CSNK1A1: variants seen among roughly 807,000 people sequenced by gnomAD.
The protein encoded by CSNK1A1 is casein kinase 1 alpha 1.
CSNK1A1 carries 7 observed loss-of-function variants against 46.1 expected under a neutral mutation model. The ratio of observed to expected loss-of-function variants is 0.15; its 90% confidence interval spans 0.09 to 0.29. The LOEUF (loss-of-function observed/expected upper bound fraction) is 0.29. Among genes scored for constraint, CSNK1A1 ranks in the 10% least tolerant of loss-of-function variants. CSNK1A1 has a pLI of 1.00. For synonymous variants in CSNK1A1, 137 were observed against 141.5 expected (o/e 0.97, Z 0.23); for missense variants, 96 against 417.1 (o/e 0.23, Z 6.71).
chr5:149,497,403 C>G, intron 9 of CSNK1A1: 1 of 985,694 alleles, frequency 1.0e-6, no homozygotes, highest in Non-Finnish European at 1.2e-6. Flanking sequence ...ACTTCTTTAC[C>G]GGCCGCATTA....
rs191962232 is a variant in CSNK1A1, at chr5:149,515,437, C to T, written c.457-2228G>A. On this transcript the variant is annotated intron_variant, in intron 4 of 9. Transcript: ENST00000377843. Reference sequence around the variant, plus strand: ...CTCCCACAACGCTAAAGGAGGAAACCTTATTTATCAAGTAAACTACAAATA... The same window carrying T: ...CTCCCACAACGCTAAAGGAGGAAACTTTATTTATCAAGTAAACTACAAATA... Among the ~76,000 whole-genome samples, 207 of 152,284 alleles carry T rather than the reference C, an allele frequency of 1.4e-3. 2 individuals are homozygous for T. Among genetic ancestry groups the T allele is most frequent in the African/African-American group, 4.7e-3 (197 of 41,566 alleles).
chr5:149,549,951 C>A, intron 2 of CSNK1A1, 124 bp downstream of exon 2: 1 of 1,143,264 alleles, frequency 8.7e-7, no homozygotes, highest in South Asian at 1.6e-5. Flanking sequence ...AAACCACCAG[C>A]TATAGGGAAC....
intron 2 of CSNK1A1, chr5:149,545,633 T>A: frequency 1.1e-6 from 1 of 893,930 alleles, no homozygotes; most frequent in Non-Finnish European, 1.8e-6. Flanking sequence ...AGGGCCCTGC[T>A]AGCCTCAGCA....
intron 2 of CSNK1A1, among the ~76,000 whole-genome samples, chr5:149,542,749 G>GC (rs1161437765): frequency 1.5e-5 from 2 of 129,126 alleles, no homozygotes; most frequent in Non-Finnish European, 3.2e-5. Flanking sequence ...AGGCTGGAGT[G>GC]CAGTGGCATG....
chr5:149,503,677 G>A, intron 9 of CSNK1A1: 6 of 985,376 alleles, frequency 6.1e-6, no homozygotes, highest in Non-Finnish European at 7.2e-6. Flanking sequence ...AACTAACTCA[G>A]TGGATCCAAC....
intron 2 of CSNK1A1, among the ~76,000 whole-genome samples, chr5:149,541,492 A>G (rs371457997): frequency 5.3e-5 from 8 of 152,206 alleles, no homozygotes; most frequent in African/African-American, 1.9e-4. Context: ...TCTGAGATTG[A>G]AATTAGAAAC....
chr5:149,515,954 T>G (rs1403341888), intron 4 of CSNK1A1, among the ~76,000 whole-genome samples: 3 of 152,256 alleles, frequency 2.0e-5, no homozygotes, highest in Non-Finnish European at 2.9e-5. Flanking sequence ...CTACATGTTA[T>G]GAGTAAAATC....
intron 2 of CSNK1A1, among the ~76,000 whole-genome samples, chr5:149,537,970 T>C (rs909030584): frequency 1.3e-5 from 2 of 149,510 alleles, no homozygotes; most frequent in Non-Finnish European, 3.0e-5. Context: ...TCAAAAAGAA[T>C]GCAAGCCTCA....
intron 2 of CSNK1A1, among the ~76,000 whole-genome samples, chr5:149,548,060 G>T (rs1046250103): frequency 6.6e-6 from 1 of 151,862 alleles, no homozygotes; most frequent in African/African-American, 2.4e-5. Flanking sequence ...TAGTAGAGAC[G>T]AGGTTTCACC....
At chr5:149,507,513 T>A (rs1580823625) in intron 7 of CSNK1A1, among the ~76,000 whole-genome samples, 1 of 151,734 alleles carries the variant, frequency 6.6e-6, no homozygotes, top group Non-Finnish European at 1.5e-5. Context: ...CAGGCTGGAG[T>A]GCAGTAGTGT....
At chr5:149,503,313 T>G (rs954334962) in intron 9 of CSNK1A1, 38 of 985,310 alleles carry the variant, frequency 3.9e-5, no homozygotes, top group Non-Finnish European at 4.5e-5. Context: ...TTATGAGAGT[T>G]TCATGTAAGA....
chr5:149,509,793 G>T, intron 7 of CSNK1A1, 86 bp downstream of exon 7: 2 of 932,766 alleles, frequency 2.1e-6, no homozygotes, highest in Admixed American at 2.3e-5. Flanking sequence ...CTACTGCCTT[G>T]GCCTCCCAAA....
intron 2 of CSNK1A1, among the ~76,000 whole-genome samples, chr5:149,546,810 C>T (rs1193104795): frequency 1.3e-5 from 2 of 152,140 alleles, no homozygotes; most frequent in African/African-American, 4.8e-5. Context: ...AAATAGTCAA[C>T]TTAATTCAAT....
At chr5:149,501,547 T>C in intron 9 of CSNK1A1, 1 of 985,160 alleles carries the variant, frequency 1.0e-6, no homozygotes, top group Non-Finnish European at 1.2e-6. Flanking sequence ...GATAGAAAAA[T>C]AATATTTGTA....
intron 4 of CSNK1A1, among the ~76,000 whole-genome samples, chr5:149,513,466 C>T (rs949741267): frequency 6.6e-6 from 1 of 151,916 alleles, no homozygotes; most frequent in African/African-American, 2.4e-5. Context: ...CATTTCATTA[C>T]ATACTCAGGA....
chr5:149,535,829 A>G (rs1180591237), intron 2 of CSNK1A1, among the ~76,000 whole-genome samples: 1 of 151,486 alleles, frequency 6.6e-6, no homozygotes, highest in African/African-American at 2.4e-5. Context: ...TGTTTTGAGT[A>G]GAGACAGGGT....
In CSNK1A1 at chr5:149,525,381, A is replaced by T. The variant is rs898955365; in HGVS notation, c.231-210T>A. 1.3e-5 allele frequency among the ~76,000 whole-genome samples: 2 copies of T among 152,048 alleles called. No individual in the cohort carries two copies. Among genetic ancestry groups the T allele is most frequent in the African/African-American group, 2.4e-5 (1 of 41,396 alleles). Reference sequence around the variant, plus strand: ...TTTTTTTTCCCTGTCATGCAACTCCATTCTCCTATATAGATAGGACATGCA... The same window carrying T: ...TTTTTTTTCCCTGTCATGCAACTCCTTTCTCCTATATAGATAGGACATGCA... On this transcript the variant is annotated intron_variant, in intron 2 of 9. Coordinates refer to ENST00000377843, the MANE Select transcript of CSNK1A1 (RefSeq NM_001892.6). The surrounding 1 kb of genome is among the most constrained non-coding windows in gnomAD (Gnocchi z 4.2).
chr5:149,526,370 T>C (rs553735147), intron 2 of CSNK1A1, among the ~76,000 whole-genome samples: 62 of 152,296 alleles, frequency 4.1e-4, no homozygotes, highest in Non-Finnish European at 7.6e-4. Flanking sequence ...TCTCCCTACG[T>C]TGCCCAGGCT....
intron 7 of CSNK1A1, among the ~76,000 whole-genome samples, chr5:149,507,608 C>T (rs1761077168): frequency 6.6e-6 from 1 of 152,036 alleles, no homozygotes; most frequent in Admixed American, 6.6e-5. Flanking sequence ...ACTACAGACA[C>T]GAGCTACCAC....
Sources: allele counts gnomAD v4.1 joint callset (sites outside exome capture counted in the v4.1 genomes callset), GRCh38; gene constraint gnomAD v4.1.1; non-coding constraint Gnocchi (gnomAD v3.1); transcripts MANE v1.5; gene names NCBI Gene and HGNC (gene_info 2026-07-23, HGNC 2026-07-21).